ABCC4: variants seen among roughly 807,000 people sequenced by gnomAD.
The protein encoded by ABCC4 is ATP-binding cassette sub-family C member 4.
A neutral mutation model predicts 168.5 loss-of-function variants in ABCC4; 102 were observed. The ratio of observed to expected loss-of-function variants is 0.61; its 90% confidence interval spans 0.52 to 0.71. The LOEUF (loss-of-function observed/expected upper bound fraction) is 0.71, where lower values mean the gene tolerates loss of function less well. ABCC4 is among the 30% of genes least tolerant of loss of function. The probability of loss-of-function intolerance (pLI) is 0.00; values close to 1 mark genes in which losing one functional copy is unlikely to be tolerated. For synonymous variants in ABCC4, 617 were observed against 590.7 expected, an observed-to-expected ratio of 1.04 and a Z score of -0.65; for missense variants, 1,402 against 1,605.8, an observed-to-expected ratio of 0.87 and a Z score of 2.17.
chr13:95,063,847 C>A (rs1163776845), intron 25 of ABCC4, among the ~76,000 whole-genome samples: 1 of 152,216 alleles, frequency 6.6e-6, no homozygotes, highest in Non-Finnish European at 1.5e-5. Context: ...CACCAATGAC[C>A]TTGCACAACT....
intron 13 of ABCC4, among the ~76,000 whole-genome samples, chr13:95,174,763 A>G (rs1252161316): frequency 6.6e-6 from 1 of 152,200 alleles, no homozygotes; most frequent in Non-Finnish European, 1.5e-5. Context: ...AGCAAGCCAC[A>G]GAGGCCCTTC....
Position 95,200,064 on chromosome 13 carries a change from G to A in ABCC4, c.1162-5127C>T, listed in dbSNP as rs560904947. The stretch of plus-strand genomic sequence containing the variant: ...ACACATGAGCACTGATTTTAATTAC[G>A]TGGTTATTTATTAACCCCCACTTGA... On this transcript the variant is annotated intron_variant, in intron 8 of 30. Coordinates refer to ENST00000645237, the MANE Select transcript of ABCC4 (RefSeq NM_005845.5). 3.3e-5 allele frequency among the ~76,000 whole-genome samples: 5 copies of A among 152,228 alleles called. No homozygotes were observed. The South Asian group carries it at 8.3e-4, about 25-fold the overall frequency.
intron 30 of ABCC4, among the ~76,000 whole-genome samples, chr13:95,034,295 A>G (rs2032022989): frequency 6.6e-6 from 1 of 152,200 alleles, no homozygotes; most frequent in African/African-American, 2.4e-5. Context: ...GCCTTTTTCT[A>G]TGAGAATCTG....
chr13:95,202,644 CT>C lies in ABCC4; in HGVS notation c.1161+3887del, dbSNP rs10603210. Among the ~76,000 whole-genome samples the C allele has an allele frequency of 9.3e-3, 862 of 92,982 alleles. 1 individual carries two copies. The highest frequency in any genetic ancestry group is 0.028 in the Middle Eastern group (3 of 106). 61.0% of individuals were successfully genotyped at this position (92,982 alleles called of 152,430 possible). A position where few individuals can be genotyped will look rare whatever the true frequency, so the allele number is the denominator to read the frequency against. ...GTGCATGTGGGGATAAGAATGTGCA[CT>C]TTTTTTTTTTTTTTTTTTTTTTGAG... On this transcript the variant is annotated intron_variant, in intron 8 of 30. Coordinates refer to ENST00000645237, the MANE Select transcript of ABCC4 (RefSeq NM_005845.5).
At chr13:95,191,830 T>C (rs935203473) in intron 9 of ABCC4, among the ~76,000 whole-genome samples, 1 of 152,154 alleles carries the variant, frequency 6.6e-6, no homozygotes, top group African/African-American at 2.4e-5. Context: ...TGCAAAAGAG[T>C]GAGCCACATG....
At chr13:95,022,154 A>T (rs2031126589) in intron 30 of ABCC4, among the ~76,000 whole-genome samples, 1 of 152,358 alleles carries the variant, frequency 6.6e-6, no homozygotes, top group African/African-American at 2.4e-5. Context: ...ATGCTGGCAT[A>T]TACGTATGAA....
intron 26 of ABCC4, among the ~76,000 whole-genome samples, chr13:95,054,191 C>T (rs1447562508): frequency 1.3e-5 from 2 of 151,782 alleles, no homozygotes; most frequent in African/African-American, 2.4e-5. Context: ...GTCACAGAAC[C>T]TCATTATTAA....
chr13:95,222,070 C>A (rs2039324627), intron 4 of ABCC4, among the ~76,000 whole-genome samples: 1 of 152,220 alleles, frequency 6.6e-6, no homozygotes, highest in South Asian at 2.1e-4. Flanking sequence ...ACACAGGTGA[C>A]ATATGGCAGA....
intron 4 of ABCC4, among the ~76,000 whole-genome samples, chr13:95,212,052 C>T (rs912388924): frequency 2.0e-5 from 3 of 151,414 alleles, no homozygotes; most frequent in Non-Finnish European, 2.9e-5. Flanking sequence ...TGGTGTGCAC[C>T]TGTAATCCCA....
chr13:95,272,108 G>T (rs993784586), intron 1 of ABCC4, among the ~76,000 whole-genome samples: 1 of 151,460 alleles, frequency 6.6e-6, no homozygotes, highest in Non-Finnish European at 1.5e-5. Context: ...GCAATGGCAC[G>T]ATCTCGGCTC....
Position 95,020,829 on chromosome 13 carries a change from C to G in ABCC4, c.*746G>C, listed in dbSNP as rs966263617. 1.3e-5 allele frequency: 2 copies of G among 152,422 alleles called. No homozygotes were observed. Among genetic ancestry groups the G allele is most frequent in the Non-Finnish European group, 2.9e-5 (2 of 68,034 alleles). 9.4% of individuals were successfully genotyped at this position (152,422 alleles called of 1,614,324 possible). ...GCTGAGTCTAAAACTGCAACAGTTACCGTGTCCAAGTCATGCAACTCTAAA... is the reference window on the plus strand; with the variant it reads ...GCTGAGTCTAAAACTGCAACAGTTAGCGTGTCCAAGTCATGCAACTCTAAA... On this transcript the variant is annotated 3_prime_UTR_variant, in exon 31 of 31. Coordinates refer to ENST00000645237, the MANE Select transcript of ABCC4 (RefSeq NM_005845.5).
intron 29 of ABCC4, among the ~76,000 whole-genome samples, chr13:95,038,611 G>A (rs553755520): frequency 1.8e-4 from 27 of 152,212 alleles, no homozygotes; most frequent in Middle Eastern, 3.4e-3. Context: ...TCCAGATGCC[G>A]AGAGGTCTGA....
intron 1 of ABCC4, among the ~76,000 whole-genome samples, chr13:95,269,928 C>G (rs1473033236): frequency 6.6e-6 from 1 of 152,156 alleles, no homozygotes; most frequent in African/African-American, 2.4e-5. Flanking sequence ...AGTAACACTT[C>G]TAGGGCAGGA....
intron 4 of ABCC4, among the ~76,000 whole-genome samples, chr13:95,218,911 GAGAGAGAGAAAGAA>G (rs1325623422): frequency 0.069 from 2,619 of 38,060 alleles, 141 homozygotes; most frequent in East Asian, 0.18. Flanking sequence ...GAGAAAGAGA[GAGAGAGAGAAAGAA>G]AGAGAAAGAA....
At position 95,064,297 on chromosome 13, in the gene ABCC4, T is replaced by TATACAC. The variant is rs1555306881; in HGVS notation, c.3211-1439_3211-1438insGTGTAT. On this transcript the variant is annotated intron_variant, in intron 25 of 30. Coordinates refer to ENST00000645237, the MANE Select transcript of ABCC4 (RefSeq NM_005845.5). ...ATATATATATATATATATATATATATACACACACACACACCAATTGAATTT... is the reference window on the plus strand; with the variant it reads ...ATATATATATATATATATATATATATATACACACACACACACACACCAATTGAATTT... Among the ~76,000 whole-genome samples the TATACAC allele has an allele frequency of 1.0e-3, 107 of 104,768 alleles. 1 individual carries two copies. Among genetic ancestry groups the TATACAC allele is most frequent in the Admixed American group, 2.1e-3 (22 of 10,624 alleles). The allele number at this position is 104,768 out of a possible 152,430, so 68.7% of individuals were successfully genotyped here.
chr13:95,246,615 T>C (rs1041656184), intron 3 of ABCC4, among the ~76,000 whole-genome samples: 37 of 152,246 alleles, frequency 2.4e-4, no homozygotes, highest in African/African-American at 8.9e-4. Flanking sequence ...CTCAAGGCTG[T>C]AGGATCCTCT....
rs539102393 is a variant in ABCC4, at chr13:95,240,215, G to A, written c.307-5381C>T. Among the ~76,000 whole-genome samples the A allele has an allele frequency of 7.9e-5, 12 of 152,330 alleles. No individual in the cohort carries two copies. The South Asian group carries it at 8.3e-4, about 11-fold the overall frequency. On this transcript the variant is annotated intron_variant, in intron 3 of 30. Coordinates refer to ENST00000645237, the MANE Select transcript of ABCC4 (RefSeq NM_005845.5). ...AGCCCAATCTAGACCCTGGGAATCC[G>A]TGCAGGGCAAACAACACGGTTTCTT...
chr13:95,075,648 A>C, intron 21 of ABCC4, 97 bp from the exon 22 acceptor site: 2 of 1,512,628 alleles, frequency 1.3e-6, no homozygotes, highest in Non-Finnish European at 1.8e-6. Flanking sequence ...CAAACAGCAC[A>C]CGCAGGCCTC....
At chr13:95,231,454 G>C (rs1312244737) in intron 4 of ABCC4, among the ~76,000 whole-genome samples, 1 of 152,116 alleles carries the variant, frequency 6.6e-6, no homozygotes, top group Non-Finnish European at 1.5e-5. Context: ...CATTCCATTT[G>C]CAACAGCCAA....
Sources: allele counts gnomAD v4.1 joint callset (sites outside exome capture counted in the v4.1 genomes callset), GRCh38; gene constraint gnomAD v4.1.1; transcripts MANE v1.5; gene names NCBI Gene and HGNC (gene_info 2026-07-23, HGNC 2026-07-21).